CLDN14: variants seen among roughly 807,000 people sequenced by gnomAD.
CLDN14 encodes the protein claudin 14, also known as claudin-14.
In CLDN14, 2 loss-of-function variants were observed where a neutral mutation model predicts 2.1. The observed-to-expected ratio is 0.96, with a 90% CI of 0.39 to 3.01. The LOEUF (loss-of-function observed/expected upper bound fraction) is 3.01, where lower values mean the gene tolerates loss of function less well. CLDN14 is among the 30% of genes most tolerant of loss of function. The pLI is 0.09. For synonymous variants in CLDN14, 136 were observed against 154.4 expected, an observed-to-expected ratio of 0.88 and a Z score of 0.88; for missense variants, 298 against 328.0, an observed-to-expected ratio of 0.91 and a Z score of 0.71.
intron 1 of CLDN14, among the ~76,000 whole-genome samples, chr21:36,535,607 G>C (rs1336926370): frequency 2.6e-5 from 4 of 152,116 alleles, no homozygotes; most frequent in Non-Finnish European, 5.9e-5. Flanking sequence ...TAAATGACAT[G>C]TATAGTCATG....
At chr21:36,548,437 C>T (rs2087539549) in intron 1 of CLDN14, among the ~76,000 whole-genome samples, 1 of 152,212 alleles carries the variant, frequency 6.6e-6, no homozygotes, top group African/African-American at 2.4e-5. Context: ...ATGAAGAACA[C>T]AAACAGCCCC....
chr21:36,493,862 G>A (rs2086991310), intron 2 of CLDN14, among the ~76,000 whole-genome samples: 1 of 152,196 alleles, frequency 6.6e-6, no homozygotes, highest in Non-Finnish European at 1.5e-5. Flanking sequence ...CCTCCATGGT[G>A]TGGAGGGGAC....
At chr21:36,462,185 C>A (rs1383047249) in intron 1 of CLDN14, among the ~76,000 whole-genome samples, 1 of 152,138 alleles carries the variant, frequency 6.6e-6, no homozygotes, top group African/African-American at 2.4e-5. Context: ...TAGAATATAG[C>A]CCTGGGCGGT....
intron 1 of CLDN14, among the ~76,000 whole-genome samples, chr21:36,565,956 TC>T (rs1479558463): frequency 1.3e-5 from 2 of 152,218 alleles, no homozygotes; most frequent in Non-Finnish European, 2.9e-5. Flanking sequence ...AAATCTTTTG[TC>T]CTTTTTACAG....
intron 1 of CLDN14, among the ~76,000 whole-genome samples, chr21:36,517,656 C>A (rs899351781): frequency 1.3e-5 from 2 of 152,134 alleles, no homozygotes; most frequent in African/African-American, 4.8e-5. Flanking sequence ...TGGATACAGT[C>A]CTGCACAATA....
intron 1 of CLDN14, among the ~76,000 whole-genome samples, chr21:36,560,350 A>G (rs1174766303): frequency 6.6e-6 from 1 of 151,940 alleles, no homozygotes; most frequent in East Asian, 1.9e-4. Flanking sequence ...TCCCTTAACT[A>G]TATTTGGATT....
At chr21:36,573,184 C>T (rs2087720976) in intron 1 of CLDN14, among the ~76,000 whole-genome samples, 1 of 151,666 alleles carries the variant, frequency 6.6e-6, no homozygotes, top group African/African-American at 2.4e-5. Flanking sequence ...GCCTGTAGTC[C>T]CAGCTACTCG....
intron 1 of CLDN14, among the ~76,000 whole-genome samples, chr21:36,571,696 A>G (rs1481347485): frequency 6.6e-6 from 1 of 152,124 alleles, no homozygotes; most frequent in Non-Finnish European, 1.5e-5. Context: ...GCCTTTTGCA[A>G]CTAAGAACAT....
In CLDN14 at chr21:36,566,635, AT is replaced by A. The variant is rs562593815; in HGVS notation, c.-220+9775del. On this transcript the variant is annotated intron_variant, in intron 1 of 2. Coordinates refer to the CLDN14 transcript ENST00000342108. ...TTCTTGCAGCTGCTCCCTCGGAATG[AT>A]TTAGATGGCCTTGGCTTGATCCCTT... is the stretch of plus-strand genomic sequence containing the variant. Among the ~76,000 whole-genome samples, 678 of 152,296 alleles carry A rather than the reference AT, an allele frequency of 4.5e-3. 3 individuals carry two copies. Among genetic ancestry groups the A allele is most frequent in the Non-Finnish European group, 3.9e-3 (262 of 68,028 alleles).
chr21:36,516,284 C>G (rs910692057), intron 1 of CLDN14, among the ~76,000 whole-genome samples: 1 of 152,096 alleles, frequency 6.6e-6, no homozygotes, highest in Non-Finnish European at 1.5e-5. Context: ...TTATCACAGC[C>G]AAAAGAGCCA....
Position 36,462,576 on chromosome 21 carries a change from C to T in CLDN14, c.-81-800G>A, listed in dbSNP as rs1459695367. ...GGCTTTTAAAGAATTCTTAGCATAC[C>T]AAAATCCAGGATACTTTTTCGGGAC... On this transcript the variant is annotated intron_variant, in intron 1 of 1. Coordinates refer to ENST00000399135, the MANE Select transcript of CLDN14 (RefSeq NM_001146079.2). Among the ~76,000 whole-genome samples the T allele has an allele frequency of 2.0e-5, 3 of 152,202 alleles. No homozygotes were observed. In the East Asian group the frequency reaches 5.8e-4, roughly 29 times the overall value.
intron 1 of CLDN14, among the ~76,000 whole-genome samples, chr21:36,575,442 G>C (rs1338090470): frequency 1.3e-5 from 2 of 152,214 alleles, no homozygotes; most frequent in Non-Finnish European, 2.9e-5. Flanking sequence ...GCACAGGAGG[G>C]TGAAGTAACT....
At chr21:36,547,688 C>A (rs1377819317) in intron 1 of CLDN14, among the ~76,000 whole-genome samples, 1 of 152,192 alleles carries the variant, frequency 6.6e-6, no homozygotes, top group African/African-American at 2.4e-5. Flanking sequence ...CAGGGCCAGG[C>A]AGTGACGTGG....
At chr21:36,464,657 C>T (rs1016640701) in intron 1 of CLDN14, among the ~76,000 whole-genome samples, 5 of 152,216 alleles carry the variant, frequency 3.3e-5, no homozygotes, top group South Asian at 2.1e-4. Flanking sequence ...GGGGTGCCAG[C>T]GGACCCACCC....
At chr21:36,491,251 T>G (rs2086961573) in intron 2 of CLDN14, among the ~76,000 whole-genome samples, 1 of 152,172 alleles carries the variant, frequency 6.6e-6, no homozygotes, top group Non-Finnish European at 1.5e-5. Flanking sequence ...ACTCACAGTC[T>G]CTTTCCTAAG....
At chr21:36,489,806 G>A (rs948920096) in intron 2 of CLDN14, among the ~76,000 whole-genome samples, 9 of 152,182 alleles carry the variant, frequency 5.9e-5, no homozygotes, top group African/African-American at 1.9e-4. Context: ...CTCACGGCTG[G>A]CCATAAGAAG....
At chr21:36,537,591 T>C (rs1207564394) in intron 1 of CLDN14, among the ~76,000 whole-genome samples, 1 of 147,164 alleles carries the variant, frequency 6.8e-6, no homozygotes, top group Non-Finnish European at 1.5e-5. Context: ...ATATTTATAG[T>C]CAAGTATCAT....
intron 1 of CLDN14, among the ~76,000 whole-genome samples, chr21:36,511,143 C>T (rs1462134854): frequency 6.6e-6 from 1 of 152,176 alleles, no homozygotes; most frequent in Admixed American, 6.5e-5. Flanking sequence ...GCCTCCAACC[C>T]CAACAGGTGA....
chr21:36,464,559 G>A (rs2086621783), intron 1 of CLDN14, among the ~76,000 whole-genome samples: 2 of 152,164 alleles, frequency 1.3e-5, no homozygotes, highest in Admixed American at 6.5e-5. Flanking sequence ...GCCAGAGAAG[G>A]ACCGGGGCCG....
Sources: allele counts gnomAD v4.1 joint callset (sites outside exome capture counted in the v4.1 genomes callset), GRCh38; gene constraint gnomAD v4.1.1; transcripts MANE v1.5; gene names NCBI Gene and HGNC (gene_info 2026-07-23, HGNC 2026-07-21).